NKAIN2: variants seen among roughly 807,000 people sequenced by gnomAD.
NKAIN2 encodes sodium/potassium transporting ATPase interacting 2.
NKAIN2 carries 14 observed loss-of-function variants against 32.6 expected under a neutral mutation model. The ratio of observed to expected loss-of-function variants is 0.43; its 90% confidence interval spans 0.28 to 0.67. The LOEUF is 0.67. Among genes scored for constraint, NKAIN2 ranks in the 30% least tolerant of loss-of-function variants. The pLI is 0.17. For synonymous variants in NKAIN2, 80 were observed against 87.2 expected, an observed-to-expected ratio of 0.92 and a Z score of 0.46; for missense variants, 198 against 258.3, an observed-to-expected ratio of 0.77 and a Z score of 1.60.
intron 4 of NKAIN2, among the ~76,000 whole-genome samples, chr6:124,769,484 G>C (rs1778656062): frequency 6.6e-6 from 1 of 152,070 alleles, no homozygotes; most frequent in South Asian, 2.1e-4. Context: ...GATAGTTTTT[G>C]CATGCCTATT....
intron 4 of NKAIN2, among the ~76,000 whole-genome samples, chr6:124,782,671 C>T (rs1419186470): frequency 6.6e-6 from 1 of 151,996 alleles, no homozygotes; most frequent in Non-Finnish European, 1.5e-5. Flanking sequence ...CTATTGGTAC[C>T]CTATTATCTC....
At chr6:124,411,801 C>T (rs375083002) in intron 3 of NKAIN2, among the ~76,000 whole-genome samples, 7 of 152,194 alleles carry the variant, frequency 4.6e-5, no homozygotes, top group Non-Finnish European at 1.0e-4. Flanking sequence ...CCATTCTCTC[C>T]GTCACTTTCA....
At chr6:124,581,747 T>C (rs1781533850) in intron 3 of NKAIN2, among the ~76,000 whole-genome samples, 1 of 152,124 alleles carries the variant, frequency 6.6e-6, no homozygotes, top group Non-Finnish European at 1.5e-5. Context: ...AACAATATGC[T>C]CCTGAGTGAC....
At chr6:124,446,406 G>T (rs895368297) in intron 3 of NKAIN2, among the ~76,000 whole-genome samples, 1 of 152,028 alleles carries the variant, frequency 6.6e-6, no homozygotes, top group African/African-American at 2.4e-5. Context: ...GCAGTGACGT[G>T]ATCTCAGCTC....
chr6:124,579,166 G>C (rs1379115616), intron 3 of NKAIN2, among the ~76,000 whole-genome samples: 1 of 152,150 alleles, frequency 6.6e-6, no homozygotes, highest in Non-Finnish European at 1.5e-5. Context: ...GTAAAGACCA[G>C]TAAATACCTA....
chr6:124,682,480 C>T (rs1049289597), intron 4 of NKAIN2, among the ~76,000 whole-genome samples: 7 of 152,062 alleles, frequency 4.6e-5, no homozygotes, highest in South Asian at 2.1e-4. Context: ...GATTTTGTGA[C>T]GTGAAGTACT....
chr6:124,392,700 A>G (rs549450399), intron 3 of NKAIN2, among the ~76,000 whole-genome samples: 6 of 152,182 alleles, frequency 3.9e-5, no homozygotes, highest in Non-Finnish European at 8.8e-5. Context: ...AAAAAATACA[A>G]TTCTTCCTTC....
intron 1 of NKAIN2, among the ~76,000 whole-genome samples, chr6:124,014,356 C>T (rs1780471876): frequency 6.6e-6 from 1 of 152,066 alleles, no homozygotes; most frequent in South Asian, 2.1e-4. Flanking sequence ...AATATTGTAA[C>T]TGGCCATTAG....
intron 1 of NKAIN2, among the ~76,000 whole-genome samples, chr6:124,281,989 T>A (rs544901380): frequency 1.3e-5 from 2 of 152,316 alleles, no homozygotes; most frequent in South Asian, 4.1e-4. Flanking sequence ...AATGTTTTTC[T>A]CTGAACAGAG....
intron 4 of NKAIN2, chr6:124,658,835 A>T (rs79724377): frequency 0.031 from 6,038 of 193,738 alleles, 124 homozygotes; most frequent in East Asian, 0.078. Context: ...CTTCCTTCCT[A>T]GATTTCTCCC....
At chr6:124,646,767 A>G (rs1784184030) in intron 3 of NKAIN2, among the ~76,000 whole-genome samples, 1 of 152,122 alleles carries the variant, frequency 6.6e-6, no homozygotes, top group African/African-American at 2.4e-5. Context: ...CCTGGCTAAC[A>G]TGGTGAAACC....
chr6:124,233,008 A>G (rs1488455366), intron 1 of NKAIN2, among the ~76,000 whole-genome samples: 1 of 152,168 alleles, frequency 6.6e-6, no homozygotes, highest in Non-Finnish European at 1.5e-5. Context: ...GGCAGCTTTC[A>G]GTAGGAAAGG....
At chr6:124,431,652 G>C (rs1219180579) in intron 3 of NKAIN2, among the ~76,000 whole-genome samples, 1 of 152,102 alleles carries the variant, frequency 6.6e-6, no homozygotes, top group South Asian at 2.1e-4. Context: ...GAAAATATAT[G>C]ACCTATAGGT....
intron 2 of NKAIN2, among the ~76,000 whole-genome samples, chr6:124,318,463 T>G (rs192496340): frequency 6.6e-6 from 1 of 152,180 alleles, no homozygotes; most frequent in Admixed American, 6.6e-5. Flanking sequence ...TCTTGATAAT[T>G]ATTAAAGTAA....
intron 4 of NKAIN2, among the ~76,000 whole-genome samples, chr6:124,662,097 G>A (rs1410856960): frequency 1.3e-5 from 2 of 152,190 alleles, no homozygotes; most frequent in Admixed American, 6.5e-5. Context: ...AGCAGCAGCT[G>A]ATGGATAATG....
intron 3 of NKAIN2, among the ~76,000 whole-genome samples, chr6:124,462,784 A>C (rs1263957315): frequency 1.3e-5 from 2 of 152,092 alleles, no homozygotes; most frequent in Non-Finnish European, 2.9e-5. Context: ...TTCGATGTAT[A>C]TCTCTATTGA....
rs183746295 is a variant in NKAIN2, at chr6:124,736,334, A to G, written c.475-55005A>G. 2.0e-5 allele frequency among the ~76,000 whole-genome samples: 3 copies of G among 152,062 alleles called. No homozygotes were observed. The East Asian group carries it at 5.8e-4, about 30-fold the overall frequency. ...CCATCTCTATAACATGAAAGTGTAA[A>G]ATGAAGCAGCAAGTGCTGATATAGA... On this transcript the variant is annotated intron_variant, in intron 4 of 6. Transcript: ENST00000368417.
chr6:124,113,996 T>C (rs1276919046), intron 1 of NKAIN2, among the ~76,000 whole-genome samples: 1 of 152,216 alleles, frequency 6.6e-6, no homozygotes, highest in Non-Finnish European at 1.5e-5. Flanking sequence ...TATGTTTTTA[T>C]GTCTCTTGGG....
intron 1 of NKAIN2, among the ~76,000 whole-genome samples, chr6:124,005,361 A>G (rs1780036296): frequency 1.3e-5 from 2 of 152,166 alleles, no homozygotes; most frequent in African/African-American, 4.8e-5. Context: ...ACTCTTGCAA[A>G]TATTTGCATA....
Sources: gnomAD v4.1 joint callset for allele counts (sites outside exome capture counted in the v4.1 genomes callset) on GRCh38, gnomAD v4.1.1 for gene constraint, MANE v1.5 for transcripts, NCBI Gene and HGNC (gene_info 2026-07-23, HGNC 2026-07-21) for gene names.